ABCB4: variants seen among roughly 807,000 people sequenced by gnomAD.
ABCB4 encodes the protein phosphatidylcholine translocator ABCB4.
A neutral mutation model predicts 145.7 loss-of-function variants in ABCB4; 76 were observed. The observed-to-expected ratio is 0.52, with a 90% CI of 0.43 to 0.63. The LOEUF (loss-of-function observed/expected upper bound fraction) is 0.63, where lower values mean the gene tolerates loss of function less well. ABCB4 is among the 30% of genes least tolerant of loss of function. The probability of loss-of-function intolerance (pLI) is 0.00; values close to 1 mark genes in which losing one functional copy is unlikely to be tolerated. For missense variants in ABCB4, 1,234 were observed against 1,553.1 expected (o/e 0.79, Z 3.45); for synonymous variants, 517 against 566.8 (o/e 0.91, Z 1.25).
chr7:87,466,740 A>C (rs1417280435), intron 3 of ABCB4, among the ~76,000 whole-genome samples: 1 of 152,242 alleles, frequency 6.6e-6, no homozygotes, highest in Non-Finnish European at 1.5e-5. Flanking sequence ...GAGGGGGCCA[A>C]TATTCAACAT....
the ABCB4 span, chr7:87,375,683 G>A: frequency 6.2e-7 from 1 of 1,613,608 alleles, no homozygotes; most frequent in Non-Finnish European, 8.5e-7. Context: ...ATGGACCTGG[G>A]ATTGCAGCAT....
At chr7:87,468,884 T>C (rs1337687813) in intron 3 of ABCB4, among the ~76,000 whole-genome samples, 4 of 143,432 alleles carry the variant, frequency 2.8e-5, no homozygotes, top group African/African-American at 5.4e-5. Context: ...TGAGCCCAGA[T>C]AGCGCCACTA....
At chr7:87,376,072 T>A in the ABCB4 span, 1 of 893,564 alleles carries the variant, frequency 1.1e-6, no homozygotes. Flanking sequence ...TTTTTCTTAG[T>A]TATACAATAT....
the ABCB4 span, among the ~76,000 whole-genome samples, chr7:87,386,959 T>A: frequency 6.6e-6 from 1 of 152,164 alleles, no homozygotes. Context: ...GATAAGGGTG[T>A]CTGTCTGCCT....
chr7:87,384,230 A>C, the ABCB4 span, among the ~76,000 whole-genome samples: 1 of 152,044 alleles, frequency 6.6e-6, no homozygotes, highest in Non-Finnish European at 1.5e-5. Context: ...CTTTTGAGAA[A>C]TGTCTATTAA....
chr7:87,394,689 C>CA, the ABCB4 span, among the ~76,000 whole-genome samples: 216 of 151,158 alleles, frequency 1.4e-3, 1 homozygote, highest in Non-Finnish European at 2.8e-3. Context: ...TTTTTTATAG[C>CA]AAAAAAAATG....
rs45592439 is a variant in ABCB4, at chr7:87,412,707, G to A, written c.2784-674C>T. 3.0e-3 allele frequency among the ~76,000 whole-genome samples: 461 copies of A among 152,284 alleles called. 3 individuals are homozygous for A. Among genetic ancestry groups the A allele is most frequent in the African/African-American group, 0.01 (432 of 41,568 alleles). On this transcript the variant is annotated intron_variant, in intron 22 of 27. Transcript: ENST00000649586. Reference sequence around the variant, plus strand: ...ATTCAAAGTATTACTAATTTGGATGGTTTAACTTATGTGCTGTGAACATGG... The same window carrying A: ...ATTCAAAGTATTACTAATTTGGATGATTTAACTTATGTGCTGTGAACATGG...
At chr7:87,466,862 T>C (rs370172454) in intron 3 of ABCB4, among the ~76,000 whole-genome samples, 2 of 152,128 alleles carry the variant, frequency 1.3e-5, no homozygotes, top group Admixed American at 1.3e-4. Flanking sequence ...GAGATTTTGT[T>C]ACCACCAGGC....
At chr7:87,366,907 C>T in the ABCB4 span, among the ~76,000 whole-genome samples, 2 of 152,216 alleles carry the variant, frequency 1.3e-5, no homozygotes, top group Admixed American at 1.3e-4. Flanking sequence ...TGCTATCTTC[C>T]TTGGTTAGCT....
chr7:87,421,116 C>T (rs1416523157), intron 18 of ABCB4, among the ~76,000 whole-genome samples: 1 of 152,220 alleles, frequency 6.6e-6, no homozygotes, highest in Non-Finnish European at 1.5e-5. Flanking sequence ...ATTACCACAT[C>T]CAAACTGGAG....
At chr7:87,377,583 T>C in the ABCB4 span, 1 of 582,610 alleles carries the variant, frequency 1.7e-6, no homozygotes. Context: ...GTGAAAAGTT[T>C]AGTTATGAAT....
intron 21 of ABCB4, among the ~76,000 whole-genome samples, chr7:87,414,838 T>TA (rs1310678675): frequency 7.2e-5 from 11 of 152,342 alleles, no homozygotes; most frequent in Middle Eastern, 3.4e-3. Flanking sequence ...GTCCAAGTAT[T>TA]ACCTCATTCA....
chr7:87,392,753 C>A, the ABCB4 span: 12 of 1,613,618 alleles, frequency 7.4e-6, no homozygotes, highest in Non-Finnish European at 1.0e-5. Flanking sequence ...CCTTTTAGGT[C>A]TCTTACTCAT....
chr7:87,464,226 T>C (rs1812697093), intron 3 of ABCB4, among the ~76,000 whole-genome samples: 1 of 152,178 alleles, frequency 6.6e-6, no homozygotes. Context: ...GATATGTGTG[T>C]ACACCATTCT....
intron 22 of ABCB4, among the ~76,000 whole-genome samples, chr7:87,412,611 C>T (rs1315510798): frequency 6.6e-6 from 1 of 152,122 alleles, no homozygotes; most frequent in African/African-American, 2.4e-5. Context: ...ACTTTATTGG[C>T]TTCTGAATCC....
intron 23 of ABCB4, among the ~76,000 whole-genome samples, chr7:87,410,469 C>T (rs1206752257): frequency 1.3e-5 from 2 of 152,156 alleles, no homozygotes; most frequent in East Asian, 3.8e-4. Flanking sequence ...TGCATAGCTT[C>T]CCTGTACTGC....
chr7:87,454,691 C>T (rs925375073), intron 4 of ABCB4, 99 bp from the exon 5 acceptor site: 1 of 859,090 alleles, frequency 1.2e-6, no homozygotes, highest in African/African-American at 1.7e-5. Flanking sequence ...TGTATGAAAG[C>T]TAGAAGATGC....
At position 87,440,413 on chromosome 7, in the gene ABCB4, G is replaced by T. The variant is rs1331805476; in HGVS notation, c.1357-11C>A. On this transcript the variant is annotated splice_polypyrimidine_tract_variant and intron_variant, in intron 12 of 27. Coordinates refer to ENST00000649586, the MANE Select transcript of ABCB4 (RefSeq NM_000443.4). ...CCCATCAATGTTAATCTGAAAGAAA[G>T]AAATATTTCCTATTAAGTATTTAAC... 4 of 1,610,246 alleles carry T rather than the reference G, an allele frequency of 2.5e-6. No homozygotes were observed. In the South Asian group the frequency reaches 3.3e-5, roughly 13 times the overall value.
rs1810230695 is a variant in ABCB4 at position 87,431,544 on chromosome 7, T to C, written c.1753A>G (p.Ile585Val). 3 of 1,614,094 alleles carry C rather than the reference T, an allele frequency of 1.9e-6. No homozygotes were observed. Among genetic ancestry groups the C allele is most frequent in the African/African-American group, 1.3e-5 (1 of 75,032 alleles). The change falls in exon 15 of 28, where the codon ATT (isoleucine) becomes GTT (valine). Residue 585 changes from isoleucine to valine, a missense_variant. Physicochemically the swap from Ile to Val is conservative, Grantham distance 29. Coordinates refer to ENST00000649586, the MANE Select transcript of ABCB4 (RefSeq NM_000443.4). ...GTAGACAGTCGGTGTGCTATCACAA[T>C]GGTGGTCCGGCCTTCTCTGGCCTAA... is the stretch of plus-strand genomic sequence containing the variant. ...LDKAREGRTT[I>V]VIAHRLSTVR...
Sources: gnomAD v4.1 joint callset for allele counts (sites outside exome capture counted in the v4.1 genomes callset) on GRCh38, gnomAD v4.1.1 for gene constraint, MANE v1.5 for transcripts, NCBI Gene and HGNC (gene_info 2026-07-23, HGNC 2026-07-21) for gene names.